Variants in ASCC1 observed in about 807,000 individuals in gnomAD.
The protein encoded by ASCC1 is ASC-1 complex subunit P50.
ASCC1 carries 35 observed loss-of-function variants against 46.6 expected under a neutral mutation model. The ratio of observed to expected loss-of-function variants is 0.75; its 90% CI spans 0.57 to 0.99. The LOEUF (loss-of-function observed/expected upper bound fraction) is 0.99. Among genes scored for constraint, ASCC1 ranks in the 50% least tolerant of loss-of-function variants. The probability of loss-of-function intolerance (pLI) is 0.00; values close to 1 mark genes in which losing one functional copy is unlikely to be tolerated. For synonymous variants in ASCC1, 143 were observed against 146.6 expected (o/e 0.98, Z 0.18); for missense variants, 376 against 428.7 (o/e 0.88, Z 1.09).
At position 72,096,424 on chromosome 10, in the gene ASCC1, G is replaced by T; in HGVS notation, c.*910C>A. 2.2e-6 allele frequency: 1 copy of T among 454,174 alleles called. No homozygotes were observed. Among genetic ancestry groups the T allele is most frequent in the Non-Finnish European group, 4.4e-6 (1 of 226,796 alleles). 28.1% of individuals were successfully genotyped at this position (454,174 alleles called of 1,614,324 possible). On this transcript the variant is annotated 3_prime_UTR_variant, in exon 10 of 10. Transcript: ENST00000672957. Reference sequence around the variant, plus strand: ...CTGCAACACTGCAACTCCATCAGGGGCATGGGAAGATGAGGGTGGGGATGG... The same window carrying T: ...CTGCAACACTGCAACTCCATCAGGGTCATGGGAAGATGAGGGTGGGGATGG...
At chr10:72,140,707 A>C (rs1345485329) in intron 7 of ASCC1, among the ~76,000 whole-genome samples, 1 of 152,212 alleles carries the variant, frequency 6.6e-6, no homozygotes, top group Non-Finnish European at 1.5e-5. Context: ...TTTTCACTTC[A>C]CCCATCTGTA....
intron 5 of ASCC1, among the ~76,000 whole-genome samples, chr10:72,165,653 T>C (rs1850241933): frequency 6.6e-6 from 1 of 152,236 alleles, no homozygotes; most frequent in African/African-American, 2.4e-5. Context: ...TAATGGAGCT[T>C]GAGCTATTTT....
At chr10:72,193,996 G>A (rs1386704794) in intron 5 of ASCC1, among the ~76,000 whole-genome samples, 3 of 151,426 alleles carry the variant, frequency 2.0e-5, no homozygotes, top group South Asian at 2.1e-4. Flanking sequence ...CACCACACCC[G>A]GCTAATTTTT....
intron 5 of ASCC1, among the ~76,000 whole-genome samples, chr10:72,166,814 G>A (rs962355195): frequency 7.2e-5 from 11 of 151,984 alleles, no homozygotes; most frequent in Non-Finnish European, 1.6e-4. Context: ...ATATACTAAT[G>A]GCTAACAAAC....
At chr10:72,152,762 G>C in intron 7 of ASCC1, 107 bp downstream of exon 7, 1 of 1,322,708 alleles carries the variant, frequency 7.6e-7, no homozygotes, top group East Asian at 2.3e-5. Context: ...TAATTAACAT[G>C]TTCTTTACAA....
chr10:72,103,196 G>A lies in ASCC1; in HGVS notation c.958-5746C>T, dbSNP rs572540999. 3.3e-3 allele frequency among the ~76,000 whole-genome samples: 491 copies of A among 151,016 alleles called. 1 individual carries two copies. The highest frequency in any genetic ancestry group is 5.3e-3 in the Non-Finnish European group (358 of 67,820). On this transcript the variant is annotated intron_variant, in intron 9 of 9. Coordinates refer to ENST00000672957, the MANE Select transcript of ASCC1 (RefSeq NM_001198800.3). ...CGCCCAGGCTGGAGTGCAGTGGCGC[G>A]ATCTCAGCTCACTGCAAGCTCCACC...
At chr10:72,163,415 G>A (rs1425123834) in intron 5 of ASCC1, among the ~76,000 whole-genome samples, 2 of 152,114 alleles carry the variant, frequency 1.3e-5, no homozygotes, top group Admixed American at 1.3e-4. Flanking sequence ...TATACACACA[G>A]TGGAATATTA....
intron 9 of ASCC1, among the ~76,000 whole-genome samples, chr10:72,119,199 C>G (rs538139459): frequency 6.6e-6 from 1 of 152,340 alleles, no homozygotes; most frequent in African/African-American, 2.4e-5. Flanking sequence ...GTAATTTTAC[C>G]TCCAGGAGCT....
At chr10:72,111,888 C>A (rs563066240) in intron 9 of ASCC1, among the ~76,000 whole-genome samples, 7 of 152,098 alleles carry the variant, frequency 4.6e-5, no homozygotes, top group Admixed American at 4.6e-4. Context: ...GTGATCCTCC[C>A]GCCTCGGCCT....
chr10:72,153,057 T>C (rs1848555287), intron 6 of ASCC1, 69 bp from the exon 7 acceptor site: 5 of 1,589,672 alleles, frequency 3.1e-6, no homozygotes, highest in Non-Finnish European at 4.3e-6. Flanking sequence ...TTTTGAAACA[T>C]GGTTAATACA....
intron 9 of ASCC1, among the ~76,000 whole-genome samples, chr10:72,113,630 C>A (rs890055787): frequency 2.0e-5 from 3 of 152,204 alleles, no homozygotes; most frequent in African/African-American, 4.8e-5. Flanking sequence ...CTTTCCCTCA[C>A]CCCCTAAATA....
At chr10:72,133,368 G>T in intron 7 of ASCC1, 187 bp from the exon 8 acceptor site, 1 of 619,428 alleles carries the variant, frequency 1.6e-6, no homozygotes, top group Non-Finnish European at 2.9e-6. Context: ...TTGTTTGTCT[G>T]CTTAACAGAT....
At chr10:72,166,189 C>T (rs1405763711) in intron 5 of ASCC1, among the ~76,000 whole-genome samples, 1 of 152,174 alleles carries the variant, frequency 6.6e-6, no homozygotes, top group Non-Finnish European at 1.5e-5. Flanking sequence ...AGGACCACCA[C>T]CCAGAGGCAA....
At chr10:72,146,436 ATTGAG>A (rs1847637791) in intron 7 of ASCC1, among the ~76,000 whole-genome samples, 1 of 152,188 alleles carries the variant, frequency 6.6e-6, no homozygotes, top group Non-Finnish European at 1.5e-5. Flanking sequence ...AAACAAGGAA[ATTGAG>A]TTGAGTGCAG....
chr10:72,167,728 C>G (rs2132782603), intron 5 of ASCC1, among the ~76,000 whole-genome samples: 1 of 151,630 alleles, frequency 6.6e-6, no homozygotes, highest in Admixed American at 6.6e-5. Context: ...CCTCAAACTC[C>G]TGGCCTCAAG....
intron 5 of ASCC1, among the ~76,000 whole-genome samples, chr10:72,168,222 C>T (rs1850618666): frequency 6.6e-6 from 1 of 151,928 alleles, no homozygotes; most frequent in Non-Finnish European, 1.5e-5. Context: ...AAATAAAATA[C>T]TTTTAAAAAT....
At chr10:72,175,444 A>G (rs1440523974) in intron 5 of ASCC1, among the ~76,000 whole-genome samples, 1 of 152,230 alleles carries the variant, frequency 6.6e-6, no homozygotes, top group Non-Finnish European at 1.5e-5. Flanking sequence ...TTCTTTAAGA[A>G]TGTTCAGAAA....
At chr10:72,149,627 C>A (rs1848091704) in intron 7 of ASCC1, among the ~76,000 whole-genome samples, 1 of 152,070 alleles carries the variant, frequency 6.6e-6, no homozygotes, top group Non-Finnish European at 1.5e-5. Context: ...AGTTTCAGAA[C>A]TGCCATCTTA....
At chr10:72,104,425 T>C (rs931883560) in intron 9 of ASCC1, among the ~76,000 whole-genome samples, 2 of 152,114 alleles carry the variant, frequency 1.3e-5, no homozygotes, top group African/African-American at 2.4e-5. Flanking sequence ...TTTAATTTGG[T>C]ATTTGAATGG....
Sources: allele counts gnomAD v4.1 joint callset (sites outside exome capture counted in the v4.1 genomes callset), GRCh38; gene constraint gnomAD v4.1.1; transcripts MANE v1.5; gene names NCBI Gene and HGNC (gene_info 2026-07-23, HGNC 2026-07-21).